The following KCNN2 variants were observed in gnomAD, a reference collection of about 807,000 sequenced individuals.
The protein encoded by KCNN2 is small conductance calcium-activated potassium channel protein 2.
A neutral mutation model predicts 55.5 loss-of-function variants in KCNN2; 24 were observed. The ratio of observed to expected loss-of-function variants is 0.43; its 90% CI spans 0.31 to 0.61. The LOEUF (loss-of-function observed/expected upper bound fraction) is 0.61. KCNN2 is among the 20% of genes least tolerant of loss of function. The pLI, the probability that KCNN2 is intolerant of heterozygous loss-of-function variation, is 0.08. For missense variants in KCNN2, 754 were observed against 853.6 expected, an observed-to-expected ratio of 0.88 and a Z score of 1.45; for synonymous variants, 431 against 336.1, an observed-to-expected ratio of 1.28 and a Z score of -3.09.
In KCNN2 at chr5:114,496,124, C is replaced by T. The variant is rs142417497; in HGVS notation, c.2318C>T (p.Ser773Leu). The change falls in exon 8 of 8, where the codon TCG (serine) becomes TTG (leucine). Residue 773 changes from serine to leucine, a missense_variant. This residue lies in a region of KCNN2 where 164 missense variants were observed against 156.6 expected (regional missense o/e 1.05). Coordinates refer to ENST00000673685, the MANE Select transcript of KCNN2 (RefSeq NM_021614.4). ...VTYNAERSRSSSRRRRSSSTA... is the reference protein window; with the variant it reads ...VTYNAERSRSLSRRRRSSSTA... ...TACAATGCTGAGCGGTCCCGGTCCT[C>T]GTCCAGGAGGCGGCGGTCCTCTTCC... 2.0e-5 allele frequency: 32 copies of T among 1,613,882 alleles called. No homozygotes were observed. In the African/African-American group the frequency reaches 2.7e-4, roughly 13 times the overall value.
chr5:114,314,376 C>T (rs1756459241), intron 2 of KCNN2, among the ~76,000 whole-genome samples: 1 of 152,088 alleles, frequency 6.6e-6, no homozygotes, highest in Non-Finnish European at 1.5e-5. Flanking sequence ...TTGTGTTGCA[C>T]TGTTCTATGG....
At chr5:114,178,273 T>C (rs1753174992) in intron 1 of KCNN2, among the ~76,000 whole-genome samples, 1 of 152,190 alleles carries the variant, frequency 6.6e-6, no homozygotes, top group South Asian at 2.1e-4. Flanking sequence ...AAATGGAAGG[T>C]GGCCAAATGA....
At chr5:114,134,467 AT>A (rs1166663398) in intron 1 of KCNN2, among the ~76,000 whole-genome samples, 5 of 57,056 alleles carry the variant, frequency 8.8e-5, no homozygotes, top group African/African-American at 8.4e-5. Flanking sequence ...TGATTTATTT[AT>A]TTATTTATTT....
chr5:114,090,875 G>T (rs1229849565), intron 1 of KCNN2, among the ~76,000 whole-genome samples: 2 of 151,914 alleles, frequency 1.3e-5, no homozygotes, highest in Non-Finnish European at 2.9e-5. Flanking sequence ...TCGAGACAGG[G>T]TCTCACTCTG....
chr5:114,064,228 G>C (rs1422320655), intron 1 of KCNN2, among the ~76,000 whole-genome samples: 1 of 152,194 alleles, frequency 6.6e-6, no homozygotes, highest in African/African-American at 2.4e-5. Flanking sequence ...CTCTCACTTT[G>C]TGCAGACACA....
chr5:114,094,284 A>C (rs1293764014), intron 1 of KCNN2, among the ~76,000 whole-genome samples: 1 of 152,094 alleles, frequency 6.6e-6, no homozygotes, highest in East Asian at 1.9e-4. Context: ...TCTTCAGCAC[A>C]GAATAGATTA....
rs951564056 is a variant in KCNN2, at chr5:114,293,795, G to T, written c.-184-67150G>T. Among the ~76,000 whole-genome samples the T allele has an allele frequency of 7.2e-4, 109 of 152,192 alleles. 2 individuals are homozygous for T. Among genetic ancestry groups the T allele is most frequent in the Admixed American group, 7.1e-3 (108 of 15,266 alleles). ...CCAGTTCCTCCTTTTACCTCTGGTAGAATTCGGCTGTGAATCCATCTGGTC... is the reference window on the plus strand; with the variant it reads ...CCAGTTCCTCCTTTTACCTCTGGTATAATTCGGCTGTGAATCCATCTGGTC... On this transcript the variant is annotated intron_variant, in intron 2 of 10. Coordinates refer to the KCNN2 transcript ENST00000512097.
intron 1 of KCNN2, among the ~76,000 whole-genome samples, chr5:114,058,383 T>A (rs1275959533): frequency 6.6e-6 from 1 of 152,158 alleles, no homozygotes; most frequent in Non-Finnish European, 1.5e-5. Flanking sequence ...TATGGTTAGT[T>A]AGAGGCAAGT....
chr5:114,484,811 A>G (rs1477607982), intron 5 of KCNN2, among the ~76,000 whole-genome samples: 1 of 152,200 alleles, frequency 6.6e-6, no homozygotes, highest in Non-Finnish European at 1.5e-5. Context: ...GGGATGTTTC[A>G]AAATAAATTC....
At chr5:114,270,924 A>G (rs1226306506) in intron 2 of KCNN2, among the ~76,000 whole-genome samples, 2 of 152,150 alleles carry the variant, frequency 1.3e-5, no homozygotes, top group Non-Finnish European at 2.9e-5. Flanking sequence ...GTGAAGCTGC[A>G]GACCTTTGTG....
chr5:114,381,440 A>G (rs1758122936), intron 2 of KCNN2, among the ~76,000 whole-genome samples: 2 of 152,190 alleles, frequency 1.3e-5, no homozygotes, highest in Non-Finnish European at 1.5e-5. Context: ...CAGTGGTGCT[A>G]TGCTTACAAT....
rs116391842 is a variant in KCNN2 at position 114,330,207 on chromosome 5, C to T, written c.-184-30738C>T. ...ATGCTGATGCTGTACTCAGATTCCC[C>T]TCCAGCTAAGAAGTGGCCATTGTGT... On this transcript the variant is annotated intron_variant, in intron 2 of 10. Coordinates refer to the KCNN2 transcript ENST00000512097. Among the ~76,000 whole-genome samples the T allele has an allele frequency of 2.2e-3, 340 of 152,266 alleles. 1 individual carries two copies. Among genetic ancestry groups the T allele is most frequent in the African/African-American group, 7.8e-3 (326 of 41,542 alleles).
chr5:114,147,223 A>G (rs987633843), intron 1 of KCNN2, among the ~76,000 whole-genome samples: 2 of 152,174 alleles, frequency 1.3e-5, no homozygotes, highest in Non-Finnish European at 2.9e-5. Context: ...AGAATCCAGG[A>G]AGTGTTTCGT....
chr5:114,142,750 T>C (rs973021110), intron 1 of KCNN2, among the ~76,000 whole-genome samples: 1 of 152,182 alleles, frequency 6.6e-6, no homozygotes, highest in Non-Finnish European at 1.5e-5. Flanking sequence ...TCCATGCTCA[T>C]ACATAGGAAG....
intron 1 of KCNN2, among the ~76,000 whole-genome samples, chr5:114,155,497 C>A (rs1461456938): frequency 6.6e-6 from 1 of 152,176 alleles, no homozygotes; most frequent in Non-Finnish European, 1.5e-5. Context: ...AATTTACACT[C>A]CCTTCAACAG....
intron 3 of KCNN2, among the ~76,000 whole-genome samples, chr5:114,438,905 G>A (rs1263626561): frequency 6.6e-6 from 1 of 152,174 alleles, no homozygotes; most frequent in Non-Finnish European, 1.5e-5. Flanking sequence ...AGCAATGAGT[G>A]CGTTGGAAAG....
chr5:114,160,575 C>T (rs1050700981), intron 1 of KCNN2, among the ~76,000 whole-genome samples: 26 of 152,056 alleles, frequency 1.7e-4, no homozygotes, highest in African/African-American at 4.8e-4. Flanking sequence ...CTTTCTGTCT[C>T]GTTGATCTGT....
At chr5:114,192,842 G>C (rs1753477897) in intron 1 of KCNN2, among the ~76,000 whole-genome samples, 1 of 152,000 alleles carries the variant, frequency 6.6e-6, no homozygotes, top group Non-Finnish European at 1.5e-5. Flanking sequence ...TTCTGCTGTG[G>C]GCTGTTCTAC....
chr5:114,383,434 G>A (rs144375458), intron 2 of KCNN2, among the ~76,000 whole-genome samples: 137 of 149,264 alleles, frequency 9.2e-4, no homozygotes, highest in African/African-American at 3.3e-3. Context: ...AAGGGAAGAT[G>A]CTAGAAGACA....
Sources: allele counts gnomAD v4.1 joint callset (sites outside exome capture counted in the v4.1 genomes callset), GRCh38; gene constraint gnomAD v4.1.1; regional missense constraint gnomAD v4.1.1; transcripts MANE v1.5; gene names NCBI Gene and HGNC (gene_info 2026-07-23, HGNC 2026-07-21).